HNF4G: variants seen among roughly 807,000 people sequenced by gnomAD.
HNF4G encodes hepatocyte nuclear factor 4-gamma.
In HNF4G, 21 loss-of-function variants were observed where a neutral mutation model predicts 50.9. The ratio of observed to expected loss-of-function variants is 0.41; its 90% CI spans 0.29 to 0.59. The LOEUF (loss-of-function observed/expected upper bound fraction) is 0.59. Ranked by LOEUF, HNF4G falls within the 20% of genes least tolerant of loss-of-function variation. HNF4G has a pLI of 0.26. For synonymous variants in HNF4G, 198 were observed against 185.6 expected (o/e 1.07, Z -0.54); for missense variants, 527 against 559.4 (o/e 0.94, Z 0.58).
chr8:75,524,016 CTTATATACTTA>C (rs1806117082), intron 2 of HNF4G, among the ~76,000 whole-genome samples: 1 of 122,656 alleles, frequency 8.2e-6, no homozygotes, highest in Non-Finnish European at 1.8e-5. Flanking sequence ...TATGAGTATA[CTTATATACTTA>C]TTATATAGAT....
chr8:75,462,535 T>A (rs781753206), intron 1 of HNF4G, among the ~76,000 whole-genome samples: 1 of 152,206 alleles, frequency 6.6e-6, no homozygotes, highest in Non-Finnish European at 1.5e-5. Flanking sequence ...TTTAGAATTT[T>A]CAGTTTAATA....
intron 1 of HNF4G, among the ~76,000 whole-genome samples, chr8:75,481,518 C>G (rs977478390): frequency 6.6e-6 from 1 of 152,070 alleles, no homozygotes; most frequent in Non-Finnish European, 1.5e-5. Flanking sequence ...CTTACCTGTT[C>G]TTTGTTCTGT....
Position 75,562,093 on chromosome 8 carries a change from T to C in HNF4G, c.1246+1627T>C, listed in dbSNP as rs529997307. ...GATGTAACTATTATGCATACACTTA[T>C]TGCCTACTGAATTTACAATAGTCTT... is the stretch of plus-strand genomic sequence containing the variant. On this transcript the variant is annotated intron_variant, in intron 9 of 9. Coordinates refer to ENST00000396423, the MANE Select transcript of HNF4G (RefSeq NM_004133.5). 1.3e-4 allele frequency among the ~76,000 whole-genome samples: 20 copies of C among 152,124 alleles called. 1 individual carries two copies. Among genetic ancestry groups the C allele is most frequent in the African/African-American group, 4.6e-4 (19 of 41,478 alleles).
At chr8:75,508,998 T>C (rs1236249050) in intron 2 of HNF4G, among the ~76,000 whole-genome samples, 1 of 151,880 alleles carries the variant, frequency 6.6e-6, no homozygotes, top group Non-Finnish European at 1.5e-5. Context: ...GGCCTGAGAG[T>C]CTGGTTAGGG....
At position 75,441,114 on chromosome 8, in the gene HNF4G, C is replaced by T. The variant is rs568929548; in HGVS notation, c.-144+32952C>T. Among the ~76,000 whole-genome samples, 6 of 152,102 alleles carry T rather than the reference C, an allele frequency of 3.9e-5. No homozygotes were observed. In the South Asian group the frequency reaches 6.2e-4, roughly 16 times the overall value. On this transcript the variant is annotated intron_variant, in intron 1 of 10. Transcript: ENST00000354370. ...TCCCAATCTAATTTTAAAAATATTG[C>T]GTGGTTCTATTGTGCATGACTTGTA...
At chr8:75,545,916 G>A (rs1432150438) in intron 2 of HNF4G, among the ~76,000 whole-genome samples, 6 of 151,754 alleles carry the variant, frequency 4.0e-5, no homozygotes, top group African/African-American at 1.5e-4. Context: ...TGTCAATCTG[G>A]TCCTCTCTCC....
At chr8:75,454,131 C>A (rs1326412338) in intron 1 of HNF4G, among the ~76,000 whole-genome samples, 2 of 151,120 alleles carry the variant, frequency 1.3e-5, no homozygotes, top group Admixed American at 6.6e-5. Flanking sequence ...TCCTCTCCCC[C>A]ACTCCACATA....
Position 75,471,585 on chromosome 8 carries a change from C to T in HNF4G, c.-143-18504C>T, listed in dbSNP as rs187804113. Among the ~76,000 whole-genome samples, 267 of 152,282 alleles carry T rather than the reference C, an allele frequency of 1.8e-3. 1 individual carries two copies. Among genetic ancestry groups the T allele is most frequent in the South Asian group, 3.5e-3 (17 of 4,826 alleles). On this transcript the variant is annotated intron_variant, in intron 1 of 10. Coordinates refer to the HNF4G transcript ENST00000354370. ...AACTCTGATAATTCTCCAGCCTGTTCCATACCCTTTGCCTCCTTCCTTCTT... is the reference window on the plus strand; with the variant it reads ...AACTCTGATAATTCTCCAGCCTGTTTCATACCCTTTGCCTCCTTCCTTCTT...
chr8:75,509,701 A>G (rs934612373), intron 2 of HNF4G, among the ~76,000 whole-genome samples: 2 of 152,190 alleles, frequency 1.3e-5, no homozygotes, highest in African/African-American at 4.8e-5. Context: ...CCATAGGATT[A>G]TAATGGAGCC....
At chr8:75,526,605 C>G (rs747303847) in intron 2 of HNF4G, among the ~76,000 whole-genome samples, 1 of 151,938 alleles carries the variant, frequency 6.6e-6, no homozygotes, top group Non-Finnish European at 1.5e-5. Flanking sequence ...ACCATCATAG[C>G]TCACTGCAGC....
chr8:75,531,519 G>A (rs527300147), intron 2 of HNF4G, among the ~76,000 whole-genome samples: 4 of 151,666 alleles, frequency 2.6e-5, no homozygotes, highest in African/African-American at 7.3e-5. Context: ...CCTTTGTCTA[G>A]GATAATAAAA....
In HNF4G at chr8:75,431,671, T is replaced by G. The variant is rs561254447; in HGVS notation, c.-144+23509T>G. On this transcript the variant is annotated intron_variant, in intron 1 of 10. Transcript: ENST00000354370. ...GGCCCGGCACAGTGGCTCACGCCTG[T>G]AATCCCAGCACTTTGGGAGGCTGAG... is the stretch of plus-strand genomic sequence containing the variant. Among the ~76,000 whole-genome samples the G allele has an allele frequency of 9.2e-4, 140 of 152,278 alleles. 1 individual carries two copies. Among genetic ancestry groups the G allele is most frequent in the African/African-American group, 2.6e-3 (108 of 41,568 alleles).
intron 1 of HNF4G, among the ~76,000 whole-genome samples, chr8:75,442,009 A>C (rs1811298251): frequency 1.3e-5 from 2 of 152,250 alleles, no homozygotes; most frequent in Admixed American, 1.3e-4. Context: ...CCATTAACAT[A>C]GATGAATCTT....
At chr8:75,498,802 C>A (rs1431439701) in intron 2 of HNF4G, among the ~76,000 whole-genome samples, 2 of 151,974 alleles carry the variant, frequency 1.3e-5, no homozygotes, top group South Asian at 2.1e-4. Flanking sequence ...ACCACATGAT[C>A]ATCTCAGTAG....
intron 3 of HNF4G, among the ~76,000 whole-genome samples, chr8:75,550,760 A>G (rs769244273): frequency 6.6e-6 from 1 of 151,518 alleles, no homozygotes; most frequent in Non-Finnish European, 1.5e-5. Context: ...AGAAACCTGT[A>G]TAATATATAG....
At chr8:75,537,936 G>T (rs899544155), upstream of HNF4G, among the ~76,000 whole-genome samples, 5 of 152,076 alleles carry the variant, frequency 3.3e-5, no homozygotes, top group Admixed American at 6.6e-5. Context: ...GGTAAATTAT[G>T]AGTCCTAGAA....
At chr8:75,436,455 A>C (rs1427385968) in intron 1 of HNF4G, among the ~76,000 whole-genome samples, 1 of 152,198 alleles carries the variant, frequency 6.6e-6, no homozygotes, top group East Asian at 1.9e-4. Context: ...CTGAAACAGA[A>C]TGCTCGGCCC....
chr8:75,538,947 A>G (rs1053407219), upstream of HNF4G, among the ~76,000 whole-genome samples: 4 of 152,226 alleles, frequency 2.6e-5, no homozygotes, highest in African/African-American at 7.2e-5. Flanking sequence ...GGAAAAGGAC[A>G]TTCTGAATTT....
At chr8:75,501,541 A>T (rs1291142738) in intron 2 of HNF4G, among the ~76,000 whole-genome samples, 1 of 152,094 alleles carries the variant, frequency 6.6e-6, no homozygotes, top group African/African-American at 2.4e-5. Context: ...TAGTTTTGTT[A>T]TTTTTTTCAC....
Sources: allele counts gnomAD v4.1 joint callset (sites outside exome capture counted in the v4.1 genomes callset), GRCh38; gene constraint gnomAD v4.1.1; transcripts MANE v1.5; gene names NCBI Gene and HGNC (gene_info 2026-07-23, HGNC 2026-07-21).